MTHFD2L: variants seen among roughly 807,000 people sequenced by gnomAD.
MTHFD2L encodes the protein bifunctional methylenetetrahydrofolate dehydrogenase/cyclohydrolase 2, mitochondrial.
In MTHFD2L, 29 loss-of-function variants were observed where a neutral mutation model predicts 34.9. The observed-to-expected ratio is 0.83, with a 90% CI of 0.62 to 1.13. MTHFD2L has a LOEUF of 1.13. Ranked by LOEUF, MTHFD2L falls within the 50% of genes most tolerant of loss-of-function variation. MTHFD2L has a pLI of 0.00. For synonymous variants in MTHFD2L, 167 were observed against 155.7 expected (o/e 1.07, Z -0.54); for missense variants, 481 against 446.5 (o/e 1.08, Z -0.70).
At chr4:74,259,330 T>C (rs1744405396) in intron 6 of MTHFD2L, among the ~76,000 whole-genome samples, 1 of 152,174 alleles carries the variant, frequency 6.6e-6, no homozygotes, top group Admixed American at 6.6e-5. Flanking sequence ...AAGTCAATCA[T>C]GTTGGGTCTA....
At chr4:74,119,221 G>A (rs1404665083), upstream of MTHFD2L, among the ~76,000 whole-genome samples, 1 of 152,194 alleles carries the variant, frequency 6.6e-6, no homozygotes, top group Non-Finnish European at 1.5e-5. Context: ...CAACTGTACA[G>A]CTGCATCTGG....
chr4:74,137,621 T>TA (rs1299417514), intron 1 of MTHFD2L, among the ~76,000 whole-genome samples: 1 of 152,026 alleles, frequency 6.6e-6, no homozygotes, highest in Non-Finnish European at 1.5e-5. Context: ...TATATACATT[T>TA]AAAAAATCAA....
intron 3 of MTHFD2L, among the ~76,000 whole-genome samples, chr4:74,184,149 T>C (rs1263049537): frequency 6.6e-6 from 1 of 152,038 alleles, no homozygotes; most frequent in Admixed American, 6.5e-5. Flanking sequence ...TAAAGGAATA[T>C]AGAACAATGG....
At chr4:74,164,913 TA>T in intron 1 of MTHFD2L, 1 of 947,654 alleles carries the variant, frequency 1.1e-6, no homozygotes, top group Non-Finnish European at 1.3e-6. Flanking sequence ...TTCTTGCCTT[TA>T]GGGGAAGGTC....
intron 6 of MTHFD2L, among the ~76,000 whole-genome samples, chr4:74,254,031 T>G (rs1743667446): frequency 6.6e-6 from 1 of 152,118 alleles, no homozygotes; most frequent in Admixed American, 6.5e-5. Flanking sequence ...GTCCATGCCT[T>G]CAGATCCAGG....
At chr4:74,267,305 T>G (rs966494590) in intron 6 of MTHFD2L, 1 of 485,340 alleles carries the variant, frequency 2.1e-6, no homozygotes, top group South Asian at 9.6e-5. Context: ...TTTTCTTTTC[T>G]TTTCTTTCTT....
intron 5 of MTHFD2L, among the ~76,000 whole-genome samples, chr4:74,204,904 A>G (rs1019885887): frequency 6.6e-6 from 1 of 152,198 alleles, no homozygotes; most frequent in African/African-American, 2.4e-5. Context: ...GAATTATAGG[A>G]TAAAAACAAA....
intron 2 of MTHFD2L, among the ~76,000 whole-genome samples, chr4:74,175,078 A>G (rs1347485943): frequency 6.6e-6 from 1 of 152,152 alleles, no homozygotes; most frequent in Non-Finnish European, 1.5e-5. Flanking sequence ...AACAAGTACA[A>G]ATTGTCACCT....
At chr4:74,290,976 T>C (rs764757698) in intron 7 of MTHFD2L, among the ~76,000 whole-genome samples, 5 of 150,362 alleles carry the variant, frequency 3.3e-5, no homozygotes, top group Non-Finnish European at 7.4e-5. Flanking sequence ...AAGATTAGCT[T>C]CCTGTCTTAC....
chr4:74,296,448 C>A (rs1387718231), intron 7 of MTHFD2L, among the ~76,000 whole-genome samples: 1 of 152,038 alleles, frequency 6.6e-6, no homozygotes, highest in Non-Finnish European at 1.5e-5. Flanking sequence ...TCTTGTTACT[C>A]CAAGTCTTTG....
chr4:74,185,151 CAAAAA>C (rs1169021073), intron 3 of MTHFD2L, among the ~76,000 whole-genome samples: 328 of 15,894 alleles, frequency 0.021, no homozygotes, highest in Non-Finnish European at 0.037. Context: ...GACTCCATCT[CAAAAA>C]AAAAAAAAAA....
chr4:74,200,099 G>A (rs1252858150), intron 4 of MTHFD2L, among the ~76,000 whole-genome samples, 153 bp downstream of exon 4: 5 of 152,040 alleles, frequency 3.3e-5, no homozygotes. Flanking sequence ...AATTGTAGAA[G>A]TCAAAACATA....
intron 5 of MTHFD2L, among the ~76,000 whole-genome samples, chr4:74,202,371 C>T (rs1294148429): frequency 2.0e-5 from 3 of 152,218 alleles, no homozygotes; most frequent in Non-Finnish European, 2.9e-5. Flanking sequence ...GGGGACTAGG[C>T]TGCCTTCAGA....
At chr4:74,150,803 A>T (rs1477590043) in intron 1 of MTHFD2L, among the ~76,000 whole-genome samples, 1 of 152,122 alleles carries the variant, frequency 6.6e-6, no homozygotes, top group African/African-American at 2.4e-5. Context: ...AAATATATAC[A>T]TGTGACACTT....
chr4:74,209,284 C>A (rs1735890066), intron 5 of MTHFD2L, among the ~76,000 whole-genome samples: 1 of 152,146 alleles, frequency 6.6e-6, no homozygotes, highest in Admixed American at 6.6e-5. Flanking sequence ...TGGTGGTTTG[C>A]TGCACCCATC....
At chr4:74,151,188 A>T (rs181821633) in intron 1 of MTHFD2L, among the ~76,000 whole-genome samples, 27 of 152,300 alleles carry the variant, frequency 1.8e-4, no homozygotes, top group Non-Finnish European at 3.1e-4. Flanking sequence ...GACCACAAAT[A>T]AACTATCAAT....
At chr4:74,212,649 G>A (rs1042787722) in intron 5 of MTHFD2L, among the ~76,000 whole-genome samples, 10 of 152,308 alleles carry the variant, frequency 6.6e-5, no homozygotes, top group Admixed American at 5.2e-4. Context: ...GTGATGTGGT[G>A]TCGAGAAGAA....
chr4:74,213,934 CT>C (rs1225474048), intron 5 of MTHFD2L, among the ~76,000 whole-genome samples: 1 of 151,760 alleles, frequency 6.6e-6, no homozygotes, highest in East Asian at 1.9e-4. Flanking sequence ...CTAATCTTGT[CT>C]TCTTTCTTTA....
At chr4:74,290,735 C>T (rs751384605) in intron 7 of MTHFD2L, among the ~76,000 whole-genome samples, 2 of 151,948 alleles carry the variant, frequency 1.3e-5, no homozygotes, top group African/African-American at 2.4e-5. Flanking sequence ...TACAACTTCA[C>T]GCTTCAGTTA....
Sources: allele counts gnomAD v4.1 joint callset (sites outside exome capture counted in the v4.1 genomes callset), GRCh38; gene constraint gnomAD v4.1.1; transcripts MANE v1.5; gene names NCBI Gene and HGNC (gene_info 2026-07-23, HGNC 2026-07-21).